The following AEBP2 variants were observed in gnomAD, a reference collection of about 807,000 sequenced individuals.
AEBP2 encodes the protein zinc finger protein AEBP2.
Under a neutral mutation model 50.8 loss-of-function variants are expected in AEBP2, and 10 were observed. The ratio of observed to expected loss-of-function variants is 0.20; its 90% CI spans 0.12 to 0.33. AEBP2 has a LOEUF of 0.33. AEBP2 is among the 10% of genes least tolerant of loss of function. The pLI, the probability that AEBP2 is intolerant of heterozygous loss-of-function variation, is 1.00. For missense variants in AEBP2, 570 were observed against 688.0 expected, an observed-to-expected ratio of 0.83 and a Z score of 1.92; for synonymous variants, 296 against 261.3, an observed-to-expected ratio of 1.13 and a Z score of -1.28.
intron 1 of AEBP2, among the ~76,000 whole-genome samples, chr12:19,432,172 G>C (rs2095751751): frequency 6.6e-6 from 1 of 152,190 alleles, no homozygotes; most frequent in African/African-American, 2.4e-5. Flanking sequence ...ATTGAATGGA[G>C]AGTAACAAAT....
At chr12:19,495,807 G>T (rs1381455214) in intron 4 of AEBP2, among the ~76,000 whole-genome samples, 1 of 151,992 alleles carries the variant, frequency 6.6e-6, no homozygotes, top group Non-Finnish European at 1.5e-5. Flanking sequence ...GCCTCCCAAA[G>T]TGCTAGGATT....
At chr12:19,510,168 T>C (rs1418059075) in intron 5 of AEBP2, among the ~76,000 whole-genome samples, 1 of 152,200 alleles carries the variant, frequency 6.6e-6, no homozygotes, top group Non-Finnish European at 1.5e-5. Context: ...ATTCTCCATT[T>C]ATTGGAAATG....
intron 1 of AEBP2, among the ~76,000 whole-genome samples, chr12:19,449,827 C>T (rs1313810704): frequency 6.6e-6 from 1 of 152,198 alleles, no homozygotes; most frequent in East Asian, 1.9e-4. Flanking sequence ...TTAAAAAATA[C>T]TACTTAAGTT....
At position 19,518,169 on chromosome 12, in the gene AEBP2, G is replaced by C; in HGVS notation, c.*52G>C. The C allele has an allele frequency of 6.6e-7, 1 of 1,522,810 alleles. No homozygotes were observed. The highest frequency in any genetic ancestry group is 8.8e-7 in the Non-Finnish European group (1 of 1,135,232). The allele number at this position is 1,522,810 out of a possible 1,614,324, so 94.3% of individuals were successfully genotyped here. On this transcript the variant is annotated 3_prime_UTR_variant, in exon 8 of 8. Coordinates refer to ENST00000266508, the MANE Select transcript of AEBP2 (RefSeq NM_153207.5). ...ACAAGCGGGGACACCTGCAGTCTTA[G>C]TCACTGACAATGGGTTTAGGGAAAG...
intron 1 of AEBP2, among the ~76,000 whole-genome samples, chr12:19,444,781 A>G (rs974016168): frequency 1.3e-5 from 2 of 152,158 alleles, no homozygotes; most frequent in Admixed American, 6.5e-5. Flanking sequence ...GGGCAGGGAC[A>G]TTTTTGCTTT....
chr12:19,418,945 C>T (rs2095744107), intron 1 of AEBP2: 1 of 149,806 alleles, frequency 6.7e-6, no homozygotes, highest in Admixed American at 6.7e-5. Context: ...GAGCACAAGA[C>T]AATTTTCGTC....
chr12:19,514,143 G>A (rs1193783680), intron 6 of AEBP2, among the ~76,000 whole-genome samples: 5 of 151,840 alleles, frequency 3.3e-5, no homozygotes, highest in Non-Finnish European at 7.4e-5. Flanking sequence ...GGGAATACAG[G>A]TGTGCGCCAC....
chr12:19,465,230 TA>T (rs1452738392), intron 2 of AEBP2, among the ~76,000 whole-genome samples: 2 of 151,534 alleles, frequency 1.3e-5, no homozygotes, highest in Non-Finnish European at 2.9e-5. Context: ...CCGTCTCTAC[TA>T]AAAAATACAA....
At chr12:19,516,385 C>G (rs1031164526) in intron 7 of AEBP2, among the ~76,000 whole-genome samples, 2 of 152,088 alleles carry the variant, frequency 1.3e-5, no homozygotes, top group Non-Finnish European at 2.9e-5. Context: ...AGTCGTAAAC[C>G]TCTCTTAGAG....
chr12:19,463,989 A>C (rs564330117), intron 2 of AEBP2, among the ~76,000 whole-genome samples: 1 of 152,180 alleles, frequency 6.6e-6, no homozygotes, highest in Non-Finnish European at 1.5e-5. Context: ...AGACATATTC[A>C]TCCCTGTCAC....
intron 1 of AEBP2, among the ~76,000 whole-genome samples, chr12:19,441,122 C>T (rs1947951390): frequency 6.6e-6 from 1 of 151,980 alleles, no homozygotes; most frequent in Admixed American, 6.6e-5. Flanking sequence ...ACGTAGTTTG[C>T]GGCTTTATAG....
intron 5 of AEBP2, among the ~76,000 whole-genome samples, chr12:19,507,179 G>A (rs1949165078): frequency 1.3e-5 from 2 of 152,154 alleles, no homozygotes; most frequent in African/African-American, 4.8e-5. Context: ...GTTAGCATAA[G>A]GATTGAAGTG....
At chr12:19,450,858 CA>C (rs1948156268) in intron 1 of AEBP2, among the ~76,000 whole-genome samples, 2 of 145,460 alleles carry the variant, frequency 1.4e-5, no homozygotes, top group Non-Finnish European at 3.0e-5. Flanking sequence ...AAAAAAGGGT[CA>C]TTTTTTTTTT....
chr12:19,444,606 C>T (rs1565705537), intron 1 of AEBP2, among the ~76,000 whole-genome samples: 1 of 152,122 alleles, frequency 6.6e-6, no homozygotes, highest in Non-Finnish European at 1.5e-5. Context: ...AGTAGTATAT[C>T]TTTGAACTTT....
Position 19,439,765 on chromosome 12 carries a change from C to G in AEBP2, c.66C>G (p.Pro22=). ...EELSRLSPLP[P]GSPGSAARGR... is the part of the protein sequence containing the mutation. ...TCTCCCGCCTGAGCCCTCTGCCCCC[C>G]GGCAGCCCGGGTTCGGCGGCGCGGG... is the stretch of plus-strand genomic sequence containing the variant. The change falls in exon 1 of 8, where the codon CCC becomes CCG. Residue 22 remains proline, a synonymous_variant. Coordinates refer to ENST00000266508, the MANE Select transcript of AEBP2 (RefSeq NM_153207.5). 3 of 1,516,668 alleles carry G rather than the reference C, an allele frequency of 2.0e-6. No individual in the cohort carries two copies. The highest frequency in any genetic ancestry group is 1.8e-6 in the Non-Finnish European group (2 of 1,138,934). The allele number at this position is 1,516,668 out of a possible 1,614,324, so 94.0% of individuals were successfully genotyped here.
At chr12:19,429,040 A>T (rs2095750059) in intron 1 of AEBP2, among the ~76,000 whole-genome samples, 1 of 152,100 alleles carries the variant, frequency 6.6e-6, no homozygotes, top group African/African-American at 2.4e-5. Flanking sequence ...GTTTTGTTAC[A>T]TGTGTATACA....
chr12:19,411,641 GTTA>G (rs2095739280), intron 1 of AEBP2, among the ~76,000 whole-genome samples: 1 of 152,158 alleles, frequency 6.6e-6, no homozygotes, highest in Non-Finnish European at 1.5e-5. Context: ...ATACATACTT[GTTA>G]TTATTACTAT....
At chr12:19,488,493 G>A (rs1032960683) in intron 3 of AEBP2, among the ~76,000 whole-genome samples, 45 of 152,066 alleles carry the variant, frequency 3.0e-4, no homozygotes, top group African/African-American at 1.0e-3. Flanking sequence ...GAAAGAATCC[G>A]GGGTTGTTAA....
chr12:19,476,977 C>T (rs1338553703), intron 3 of AEBP2, among the ~76,000 whole-genome samples: 6 of 152,108 alleles, frequency 3.9e-5, no homozygotes, highest in South Asian at 2.1e-4. Flanking sequence ...TTGGTGTTGT[C>T]GATGATTTCT....
Sources: gnomAD v4.1 joint callset for allele counts (sites outside exome capture counted in the v4.1 genomes callset) on GRCh38, gnomAD v4.1.1 for gene constraint, MANE v1.5 for transcripts, NCBI Gene and HGNC (gene_info 2026-07-23, HGNC 2026-07-21) for gene names.